RIF1: variants seen among roughly 807,000 people sequenced by gnomAD.
RIF1 encodes the protein replication timing regulatory factor 1.
RIF1 carries 45 observed loss-of-function variants against 247.1 expected under a neutral mutation model. The observed-to-expected ratio is 0.18, with a 90% CI of 0.14 to 0.23. RIF1 has a LOEUF of 0.23. RIF1 is among the 10% of genes least tolerant of loss of function. RIF1 has a pLI of 1.00. For missense variants in RIF1, 2,967 were observed against 2,862.5 expected, an observed-to-expected ratio of 1.04 and a Z score of -0.83; for synonymous variants, 1,087 against 978.8, an observed-to-expected ratio of 1.11 and a Z score of -2.06.
At chr2:151,468,876 A>AT (rs1472870442) in intron 33 of RIF1, 120 bp downstream of exon 33, 1 of 729,536 alleles carries the variant, frequency 1.4e-6, no homozygotes, top group African/African-American at 1.8e-5. Flanking sequence ...CACACATTTT[A>AT]TTTTTGAAAT....
At chr2:151,443,730 G>A (rs201023217) in intron 18 of RIF1, 21 bp downstream of exon 18, 31 of 1,434,434 alleles carry the variant, frequency 2.2e-5, no homozygotes, top group Non-Finnish European at 2.1e-5. Flanking sequence ...AATCTGCTAC[G>A]TATTTTGGAT....
chr2:151,522,733 T>G, the RIF1 span, among the ~76,000 whole-genome samples: 1 of 152,218 alleles, frequency 6.6e-6, no homozygotes, highest in African/African-American at 2.4e-5. Flanking sequence ...TCAGTCTTTC[T>G]TACATCACTG....
Position 151,449,560 on chromosome 2 carries a change from TC to T in RIF1, c.2245-2044del, listed in dbSNP as rs548845713. ...TCCACCTCCTGGGTTCAAGCAGTCA[TC>T]CTGCTTCAACCTCCCGAGTGGGTTG... On this transcript the variant is annotated intron_variant, in intron 20 of 35. Coordinates refer to ENST00000444746, the MANE Select transcript of RIF1 (RefSeq NM_018151.5). 1.6e-3 allele frequency among the ~76,000 whole-genome samples: 241 copies of T among 152,278 alleles called. 1 individual carries two copies. Among genetic ancestry groups the T allele is most frequent in the African/African-American group, 5.4e-3 (223 of 41,558 alleles).
rs917309267 is a variant in RIF1 at position 151,479,311 on chromosome 2, ATTT to A, written c.*4244_*4246del. On this transcript the variant is annotated 3_prime_UTR_variant, in exon 36 of 36. Coordinates refer to ENST00000444746, the MANE Select transcript of RIF1 (RefSeq NM_018151.5). ...AGCCTTTTAAAAATATGGACGATTTATTTTTTAAGTAGGCAGACTAAGAATTTC... is the reference window on the plus strand; with the variant it reads ...AGCCTTTTAAAAATATGGACGATTTATTTAAGTAGGCAGACTAAGAATTTC... The A allele has an allele frequency of 2.0e-5, 3 of 152,168 alleles. No homozygotes were observed. The highest frequency in any genetic ancestry group is 7.2e-5 in the African/African-American group (3 of 41,450). 9.4% of individuals were successfully genotyped at this position (152,168 alleles called of 1,614,324 possible). A position where few individuals can be genotyped will look rare whatever the true frequency, so the allele number is the denominator to read the frequency against.
At chr2:151,485,912 C>G, downstream of RIF1, 1 of 1,613,822 alleles carries the variant, frequency 6.2e-7, no homozygotes, top group Non-Finnish European at 8.5e-7. Flanking sequence ...GCCATATAGT[C>G]ATACATGGCA....
At chr2:151,531,134 C>T in the RIF1 span, 1 of 1,361,164 alleles carries the variant, frequency 7.3e-7, no homozygotes, top group Admixed American at 1.8e-5. Context: ...GACATCATGT[C>T]ATGCTTCTCA....
chr2:151,498,894 A>AAAAG (rs931541517), intron 10 of RIF1, among the ~76,000 whole-genome samples: 1 of 152,058 alleles, frequency 6.6e-6, no homozygotes, highest in Non-Finnish European at 1.5e-5. Context: ...AAGGTGCTAA[A>AAAAG]AAAAAGAAAC....
the RIF1 span, chr2:151,531,900 A>G: frequency 6.5e-7 from 1 of 1,533,632 alleles, no homozygotes; most frequent in East Asian, 2.3e-5. Flanking sequence ...ATTTGATCTA[A>G]ATTGTGGAAG....
rs1204143579 is a variant in RIF1 at position 151,477,219 on chromosome 2, TC to T, written c.*2151del. The T allele has an allele frequency of 6.6e-6, 1 of 152,184 alleles. No individual in the cohort carries two copies. The highest frequency in any genetic ancestry group is 2.4e-5 in the African/African-American group (1 of 41,446). The allele number at this position is 152,184 out of a possible 1,614,324, so 9.4% of individuals were successfully genotyped here. On this transcript the variant is annotated 3_prime_UTR_variant, in exon 36 of 36. Transcript: ENST00000444746. ...TCCTGCAAATTTCCCCCTTAGTAAT[TC>T]CCGAATAGCAAAACATTAATATTCC...
intron 9 of RIF1, among the ~76,000 whole-genome samples, chr2:151,431,668 T>C (rs1308721209): frequency 6.6e-6 from 1 of 152,138 alleles, no homozygotes; most frequent in Non-Finnish European, 1.5e-5. Flanking sequence ...ATGCCTGTAA[T>C]CCCAGCTACT....
intron 8 of RIF1, among the ~76,000 whole-genome samples, chr2:151,424,166 T>C (rs762837537): frequency 6.6e-6 from 1 of 152,070 alleles, no homozygotes; most frequent in Non-Finnish European, 1.5e-5. Context: ...TACAATGGCG[T>C]GATCTTGGTT....
At position 151,465,503 on chromosome 2, in the gene RIF1, G is replaced by C. The variant is rs777823536; in HGVS notation, c.5983G>C (p.Ala1995Pro). The change falls in exon 30 of 36, where the codon GCA becomes CCA. Residue 1995 changes from alanine to proline, a missense_variant. Around this residue, in one of 7 missense-constraint regions of RIF1, gnomAD observed 2,028 missense variants for 1,825.6 expected, o/e 1.11. Transcript: ENST00000444746. ...NAQTEISEQT[A>P]AGELDGGNDV... ...TCAAACTGAGATTTCTGAACAAACA[G>C]CAGCTGGGGAACTAGATGGAGGAAA... 8.7e-6 allele frequency: 14 copies of C among 1,613,942 alleles called. No homozygotes were observed. The highest frequency in any genetic ancestry group is 1.2e-5 in the Non-Finnish European group (14 of 1,179,910).
chr2:151,445,305 A>G (rs1490770839), intron 18 of RIF1, 33 bp from the exon 19 acceptor site: 2 of 1,206,524 alleles, frequency 1.7e-6, no homozygotes, highest in Admixed American at 3.4e-5. Context: ...TAAGATGGTA[A>G]TTTGTCTAAC....
rs555397814 is a variant in RIF1 at position 151,479,190 on chromosome 2, C to T, written c.*4119C>T. ...TTTGGTAAGCCAGGCAGATTCAAGT[C>T]CTTTTATAACTGTCAATTTTGTGAA... On this transcript the variant is annotated 3_prime_UTR_variant, in exon 36 of 36. Transcript: ENST00000444746. 2.4e-4 allele frequency: 36 copies of T among 152,210 alleles called. No individual in the cohort carries two copies. Among genetic ancestry groups the T allele is most frequent in the African/African-American group, 8.4e-4 (35 of 41,528 alleles). The allele number at this position is 152,210 out of a possible 1,614,324, so 9.4% of individuals were successfully genotyped here.
At position 151,464,247 on chromosome 2, in the gene RIF1, G is replaced by T; in HGVS notation, c.4727G>T (p.Ser1576Ile). The T allele has an allele frequency of 6.2e-7, 1 of 1,613,882 alleles. No homozygotes were observed. The highest frequency in any genetic ancestry group is 8.5e-7 in the Non-Finnish European group (1 of 1,179,962). Residue 1576 changes from serine (S) to isoleucine (I), a missense_variant, in exon 30 of 36, where the codon AGC (serine) becomes ATC (isoleucine). This residue lies in a region of RIF1 where 2,028 missense variants were observed against 1,825.6 expected (regional missense o/e 1.11). Coordinates refer to ENST00000444746, the MANE Select transcript of RIF1 (RefSeq NM_018151.5). The stretch of plus-strand genomic sequence containing the variant: ...AGATCTGGAAAATGGAAAAACAAAA[G>T]CAATGAAAGTGTTGACATTCAAGAT... ...KKRSGKWKNK[S>I]NESVDIQDQE...
chr2:151,421,689 C>T (rs1418841827), intron 7 of RIF1, among the ~76,000 whole-genome samples: 15 of 152,090 alleles, frequency 9.9e-5, no homozygotes, highest in Admixed American at 9.2e-4. Flanking sequence ...GGATGACAGG[C>T]GTGAGCCACC....
At chr2:151,416,449 G>C (rs370075960) in intron 4 of RIF1, 112 bp from the exon 5 acceptor site, 1 of 1,010,988 alleles carries the variant, frequency 9.9e-7, no homozygotes, top group African/African-American at 1.6e-5. Context: ...CTGTTCTCTG[G>C]ATATACATTT....
intron 3 of RIF1, 78 bp from the exon 4 acceptor site, chr2:151,414,745 T>C (rs1686900208): frequency 1.1e-6 from 1 of 920,166 alleles, no homozygotes; most frequent in Non-Finnish European, 1.7e-6. Context: ...ATATGCTTGT[T>C]CTGTAATCAA....
chr2:151,518,281 T>C, the RIF1 span: 1 of 1,409,782 alleles, frequency 7.1e-7, no homozygotes, highest in East Asian at 2.3e-5. Context: ...TGTGGATGAA[T>C]GTGCGCCAGA....
Sources: gnomAD v4.1 joint callset for allele counts (sites outside exome capture counted in the v4.1 genomes callset) on GRCh38, gnomAD v4.1.1 for gene constraint, gnomAD v4.1.1 regional missense constraint, MANE v1.5 for transcripts, NCBI Gene and HGNC (gene_info 2026-07-23, HGNC 2026-07-21) for gene names.